The following ABCC3 variants were observed in gnomAD, a reference collection of about 807,000 sequenced individuals.
The protein encoded by ABCC3 is ATP-binding cassette sub-family C member 3.
In ABCC3, 121 loss-of-function variants were observed where a neutral mutation model predicts 165.3. That is an observed-to-expected ratio of 0.73 (90% confidence interval 0.63 to 0.85). The LOEUF is 0.85. ABCC3 is among the 40% of genes least tolerant of loss of function. ABCC3 has a pLI of 0.00. For missense variants in ABCC3, 1,869 were observed against 1,964.1 expected, an observed-to-expected ratio of 0.95 and a Z score of 0.92; for synonymous variants, 733 against 810.1, an observed-to-expected ratio of 0.90 and a Z score of 1.62.
chr17:50,683,288 C>A (rs530659839), intron 26 of ABCC3, among the ~76,000 whole-genome samples: 1 of 149,730 alleles, frequency 6.7e-6, no homozygotes, highest in Non-Finnish European at 1.5e-5. Flanking sequence ...GGAGGAGAAT[C>A]GCTGGAACCC....
intron 11 of ABCC3, 117 bp from the exon 12 acceptor site, chr17:50,667,437 A>C: frequency 1.1e-6 from 1 of 906,940 alleles, no homozygotes; most frequent in Non-Finnish European, 1.7e-6. Context: ...GTGAGAAGGA[A>C]TGGTGGGCAG....
chr17:50,666,661 C>T (rs143320798), intron 11 of ABCC3, among the ~76,000 whole-genome samples: 73 of 152,342 alleles, frequency 4.8e-4, no homozygotes, highest in African/African-American at 1.3e-3. Context: ...CCCATCAGAT[C>T]GTCAGCTGTA....
At chr17:50,651,085 A>AAAAAAG (rs1567826525) in intron 1 of ABCC3, among the ~76,000 whole-genome samples, 4 of 151,392 alleles carry the variant, frequency 2.6e-5, no homozygotes, top group Non-Finnish European at 5.9e-5. Flanking sequence ...AAAAAAAAAA[A>AAAAAAG]GAATTCTTAA....
intron 17 of ABCC3, 120 bp from the exon 18 acceptor site, chr17:50,672,851 G>A: frequency 2.3e-6 from 2 of 852,228 alleles, no homozygotes; most frequent in South Asian, 3.6e-5. Flanking sequence ...CAGCCTGGGT[G>A]AGTGAGACCC....
In ABCC3 at chr17:50,679,550, T is replaced by C. The variant is rs1027578506; in HGVS notation, c.3706-248T>C. 1.8e-4 allele frequency: 67 copies of C among 371,274 alleles called. 1 individual carries two copies. The East Asian group carries it at 3.1e-3, about 17-fold the overall frequency. 23.0% of individuals were successfully genotyped at this position (371,274 alleles called of 1,614,324 possible). On this transcript the variant is annotated intron_variant, in intron 25 of 30. Coordinates refer to ENST00000285238, the MANE Select transcript of ABCC3 (RefSeq NM_003786.4). Reference sequence around the variant, plus strand: ...ATTCTCTGGGAAGTCTTATACATATTAAAGTTGGAGAAACAGAAACCAAGG... The same window carrying C: ...ATTCTCTGGGAAGTCTTATACATATCAAAGTTGGAGAAACAGAAACCAAGG...
intron 1 of ABCC3, among the ~76,000 whole-genome samples, chr17:50,646,920 C>A (rs937239672): frequency 6.6e-6 from 1 of 152,220 alleles, no homozygotes; most frequent in African/African-American, 2.4e-5. Flanking sequence ...CCCTCTGTCA[C>A]CAGGCTGGAG....
At chr17:50,639,499 G>A (rs1031346447) in intron 1 of ABCC3, among the ~76,000 whole-genome samples, 7 of 152,074 alleles carry the variant, frequency 4.6e-5, no homozygotes, top group African/African-American at 1.7e-4. Context: ...AGGGAGGAAG[G>A]ACTTGGCAGG....
intron 1 of ABCC3, chr17:50,635,485 C>T: frequency 1.4e-6 from 1 of 702,610 alleles, no homozygotes; most frequent in Non-Finnish European, 2.6e-6. Context: ...GTGTCCCACC[C>T]TTCTTAGGAA....
chr17:50,689,763 G>A (rs1968086402), intron 30 of ABCC3, among the ~76,000 whole-genome samples: 1 of 152,170 alleles, frequency 6.6e-6, no homozygotes, highest in Non-Finnish European at 1.5e-5. Flanking sequence ...AAGGGAGGGT[G>A]GGCAGGAAGT....
chr17:50,656,065 A>AT, intron 2 of ABCC3, 57 bp downstream of exon 2: 1 of 1,297,164 alleles, frequency 7.7e-7, no homozygotes, highest in Non-Finnish European at 1.0e-6. Flanking sequence ...TTCTGCTTTT[A>AT]TTTTTTAATT....
chr17:50,648,191 AC>A (rs1458734730), intron 1 of ABCC3, among the ~76,000 whole-genome samples: 1 of 152,234 alleles, frequency 6.6e-6, no homozygotes, highest in Non-Finnish European at 1.5e-5. Flanking sequence ...AGAGGAGACA[AC>A]AGCAGACAAG....
chr17:50,658,090 C>A lies in ABCC3; in HGVS notation c.495C>A (p.Ile165=), dbSNP rs545265916. The A allele has an allele frequency of 3.1e-6, 5 of 1,614,182 alleles. No homozygotes were observed. The East Asian group carries it at 6.7e-5, about 22-fold the overall frequency. Residue 165 remains isoleucine (I), a synonymous_variant, in exon 5 of 31, where the codon ATC becomes ATA. Transcript: ENST00000285238. ...TCCACTCTCCCACCCAGGGTGAGAT[C>A]TCAGACCCCTTCCGCTTCACCACCT... ...KILLAKAEGE[I]SDPFRFTTFY...
chr17:50,635,063 G>T, intron 1 of ABCC3, 82 bp downstream of exon 1: 2 of 1,224,602 alleles, frequency 1.6e-6, no homozygotes, highest in Middle Eastern at 3.1e-4. Flanking sequence ...GCCTTCCCGC[G>T]GGGCCGGCAG....
At chr17:50,636,553 C>T (rs143547894) in intron 1 of ABCC3, among the ~76,000 whole-genome samples, 70 of 152,332 alleles carry the variant, frequency 4.6e-4, no homozygotes, top group African/African-American at 1.7e-3. Context: ...TGTGCCTTTG[C>T]CTCATGAGCA....
Position 50,683,716 on chromosome 17 carries a change from T to C in ABCC3, c.3914T>C (p.Val1305Ala), listed in dbSNP as rs199473685. ...SVRYRPGLDL[V>A]LRDLSLHVHG... ...CGCTACCGGCCGGGCCTAGACCTGG[T>C]GCTGAGAGACCTGAGTCTGCATGTG... Residue 1305 changes from valine (V) to alanine (A), a missense_variant, in exon 27 of 31, where the codon GTG (valine) becomes GCG (alanine). By Grantham distance (64) the Val-to-Ala change is moderately conservative. Transcript: ENST00000285238. 3 of 1,608,354 alleles carry C rather than the reference T, an allele frequency of 1.9e-6. No individual in the cohort carries two copies. Among genetic ancestry groups the C allele is most frequent in the Non-Finnish European group, 2.5e-6 (3 of 1,177,858 alleles).
At chr17:50,686,875 G>A (rs1229805315) in intron 29 of ABCC3, among the ~76,000 whole-genome samples, 2 of 152,150 alleles carry the variant, frequency 1.3e-5, no homozygotes, top group Non-Finnish European at 2.9e-5. Flanking sequence ...GAAGGGCTGA[G>A]GTATTTGTCC....
Position 50,668,081 on chromosome 17 carries a change from G to C in ABCC3, c.1782+72G>C, listed in dbSNP as rs966514869. On this transcript the variant is annotated intron_variant, in intron 13 of 30. Coordinates refer to ENST00000285238, the MANE Select transcript of ABCC3 (RefSeq NM_003786.4). ...GTTGGGGTCAGGGAAGGGTCACTTA[G>C]GGCAAGGGATAATCAGGGGGAGTTA... 3.8e-6 allele frequency: 5 copies of C among 1,317,290 alleles called. No individual in the cohort carries two copies. The African/African-American group carries it at 5.8e-5, about 15-fold the overall frequency. 81.6% of individuals were successfully genotyped at this position (1,317,290 alleles called of 1,614,324 possible).
At chr17:50,685,699 G>A (rs1200120110) in intron 29 of ABCC3, among the ~76,000 whole-genome samples, 2 of 151,806 alleles carry the variant, frequency 1.3e-5, no homozygotes, top group African/African-American at 4.8e-5. Context: ...AGTGCTAATA[G>A]CCACATGGGG....
intron 28 of ABCC3, 48 bp downstream of exon 28, chr17:50,684,155 C>T (rs1967979530): frequency 1.3e-6 from 2 of 1,594,614 alleles, no homozygotes; most frequent in Middle Eastern, 1.7e-4. Context: ...GCCCTGGAGG[C>T]AGGCCCCACC....
Sources: gnomAD v4.1 joint callset for allele counts (sites outside exome capture counted in the v4.1 genomes callset) on GRCh38, gnomAD v4.1.1 for gene constraint, MANE v1.5 for transcripts, NCBI Gene and HGNC (gene_info 2026-07-23, HGNC 2026-07-21) for gene names.